Variants in SYNJ1 observed in about 807,000 individuals in gnomAD.
The protein encoded by SYNJ1 is polyphosphatidylinositol phosphatase SYNJ1.
Under a neutral mutation model 168.2 loss-of-function variants are expected in SYNJ1, and 78 were observed. The observed-to-expected ratio is 0.46, with a 90% CI of 0.39 to 0.56. The LOEUF is 0.56. SYNJ1 is among the 20% of genes least tolerant of loss of function. The probability of loss-of-function intolerance (pLI) is 0.00; values close to 1 mark genes in which losing one functional copy is unlikely to be tolerated. For synonymous variants in SYNJ1, 539 were observed against 548.6 expected (o/e 0.98, Z 0.24); for missense variants, 1,303 against 1,597.6 (o/e 0.82, Z 3.14).
At chr21:32,639,460 C>A (rs765417045) in intron 30 of SYNJ1, among the ~76,000 whole-genome samples, 17 of 152,146 alleles carry the variant, frequency 1.1e-4, no homozygotes, top group African/African-American at 4.1e-4. Flanking sequence ...GGTGTGATCA[C>A]GGCTTACCAC....
chr21:32,685,524 A>G (rs994709885), intron 9 of SYNJ1, among the ~76,000 whole-genome samples: 4 of 151,500 alleles, frequency 2.6e-5, no homozygotes, highest in African/African-American at 7.3e-5. Flanking sequence ...TCCTGAAACC[A>G]GAAGGCAGAG....
At chr21:32,711,534 G>T (rs530064498) in intron 2 of SYNJ1, among the ~76,000 whole-genome samples, 1 of 152,168 alleles carries the variant, frequency 6.6e-6, no homozygotes, top group East Asian at 1.9e-4. Flanking sequence ...GTTTCACCAT[G>T]TTGGCCAGGA....
intron 14 of SYNJ1, among the ~76,000 whole-genome samples, chr21:32,671,997 T>G (rs1364807493): frequency 7.3e-6 from 1 of 136,478 alleles, no homozygotes; most frequent in Non-Finnish European, 1.5e-5. Context: ...AGGTAGAGGT[T>G]GCAGTGAGCC....
Position 32,653,987 on chromosome 21 carries a change from A to G in SYNJ1, c.2796-621T>C, listed in dbSNP as rs1233861760. On this transcript the variant is annotated intron_variant, in intron 21 of 32. Transcript: ENST00000674351. ...CTTTTGAAATAAAAAAACTATCAAG[A>G]GGAAAAAAAAAATAAAAAGGACAGA... The G allele has an allele frequency of 3.3e-5, 5 of 152,226 alleles. No individual in the cohort carries two copies. The East Asian group carries it at 7.7e-4, about 23-fold the overall frequency. The allele number at this position is 152,226 out of a possible 1,614,324, so 9.4% of individuals were successfully genotyped here.
At chr21:32,650,695 A>C (rs966424312) in intron 22 of SYNJ1, among the ~76,000 whole-genome samples, 1 of 152,242 alleles carries the variant, frequency 6.6e-6, no homozygotes, top group African/African-American at 2.4e-5. Flanking sequence ...TTCACAGATT[A>C]AGTAATTGTT....
At chr21:32,713,966 G>T (rs916005750) in intron 2 of SYNJ1, among the ~76,000 whole-genome samples, 3 of 152,186 alleles carry the variant, frequency 2.0e-5, no homozygotes, top group Admixed American at 6.5e-5. Flanking sequence ...TTATTCTCTG[G>T]AAAGCTCTCT....
At chr21:32,675,411 T>A (rs897552109) in intron 13 of SYNJ1, among the ~76,000 whole-genome samples, 1 of 152,094 alleles carries the variant, frequency 6.6e-6, no homozygotes, top group Admixed American at 6.5e-5. Flanking sequence ...AAATAAAAAA[T>A]TTTAAAAAAG....
At chr21:32,632,425 A>G (rs1193964584) in intron 32 of SYNJ1, among the ~76,000 whole-genome samples, 1 of 147,978 alleles carries the variant, frequency 6.8e-6, no homozygotes, top group Non-Finnish European at 1.5e-5. Context: ...TTGTGCTGTC[A>G]CCCAGGCTGG....
intron 5 of SYNJ1, among the ~76,000 whole-genome samples, chr21:32,694,764 T>C (rs1436389545): frequency 2.0e-5 from 3 of 152,162 alleles, no homozygotes; most frequent in African/African-American, 7.2e-5. Flanking sequence ...AAAAAACAAG[T>C]TGTCTAACTC....
At chr21:32,658,585 C>G (rs1167202143) in intron 18 of SYNJ1, 1 of 152,338 alleles carries the variant, frequency 6.6e-6, no homozygotes, top group Non-Finnish European at 1.5e-5. Context: ...GCTGTTAACA[C>G]TTAAGCCATC....
At chr21:32,635,820 T>C (rs1016183080) in intron 31 of SYNJ1, among the ~76,000 whole-genome samples, 5 of 152,166 alleles carry the variant, frequency 3.3e-5, no homozygotes, top group Admixed American at 1.3e-4. Context: ...AAGAAACTTG[T>C]ACCTTACAAG....
intron 25 of SYNJ1, 123 bp from the exon 26 acceptor site, chr21:32,645,129 G>A (rs1420437488): frequency 1.1e-5 from 10 of 898,028 alleles, no homozygotes; most frequent in East Asian, 8.4e-5. Flanking sequence ...TATTATCTAC[G>A]TACTACAAAA....
intron 2 of SYNJ1, among the ~76,000 whole-genome samples, chr21:32,702,904 G>GT (rs1482228732): frequency 3.3e-5 from 5 of 152,198 alleles, no homozygotes; most frequent in Admixed American, 6.5e-5. Context: ...AGAAAATCAC[G>GT]TAAGTAGATA....
At chr21:32,684,882 G>A (rs539867210) in intron 9 of SYNJ1, among the ~76,000 whole-genome samples, 6 of 151,772 alleles carry the variant, frequency 4.0e-5, no homozygotes, top group Admixed American at 3.3e-4. Context: ...ATTGATACAT[G>A]TTAAGACTTA....
intron 21 of SYNJ1, among the ~76,000 whole-genome samples, chr21:32,655,519 T>C (rs2145842806): frequency 6.6e-6 from 1 of 152,336 alleles, no homozygotes; most frequent in South Asian, 2.1e-4. Flanking sequence ...TCTTTGATTT[T>C]CACTCTGTAG....
chr21:32,725,997 G>C (rs1343054826), intron 2 of SYNJ1, among the ~76,000 whole-genome samples: 3 of 152,090 alleles, frequency 2.0e-5, no homozygotes, highest in East Asian at 1.9e-4. Context: ...ACACGACGGA[G>C]CCGAACTACT....
chr21:32,630,749 T>C lies in SYNJ1; in HGVS notation c.*1056A>G, dbSNP rs891920222. On this transcript the variant is annotated 3_prime_UTR_variant, in exon 33 of 33. Coordinates refer to ENST00000674351, the MANE Select transcript of SYNJ1 (RefSeq NM_203446.3). ...CTGTTTTCTAAAGTATAAGTACTTTTTATGGCTACTACTGTCTCCTATTCA... is the reference window on the plus strand; with the variant it reads ...CTGTTTTCTAAAGTATAAGTACTTTCTATGGCTACTACTGTCTCCTATTCA... The C allele has an allele frequency of 2.8e-6, 1 of 356,212 alleles. No individual in the cohort carries two copies. The allele number at this position is 356,212 out of a possible 1,614,324, so 22.1% of individuals were successfully genotyped here. A position where few individuals can be genotyped will look rare whatever the true frequency, so the allele number is the denominator to read the frequency against.
rs555630567 is a variant in SYNJ1 at position 32,705,670 on chromosome 21, C to T, written c.125-3623G>A. ...TCCCGACATGCCTAGCAAACCATCA[C>T]CTTTATCAAGTAATCAAAGTGAACA... On this transcript the variant is annotated intron_variant, in intron 2 of 32. Transcript: ENST00000674351. 3.3e-5 allele frequency among the ~76,000 whole-genome samples: 5 copies of T among 152,122 alleles called. No homozygotes were observed. In the South Asian group the frequency reaches 1.0e-3, roughly 32 times the overall value.
chr21:32,674,641 T>C (rs2041334671), intron 13 of SYNJ1, among the ~76,000 whole-genome samples: 2 of 149,602 alleles, frequency 1.3e-5, no homozygotes, highest in Non-Finnish European at 1.5e-5. Flanking sequence ...TTTTTTTTGG[T>C]CTACAACCCA....
Sources: allele counts gnomAD v4.1 joint callset (sites outside exome capture counted in the v4.1 genomes callset), GRCh38; gene constraint gnomAD v4.1.1; transcripts MANE v1.5; gene names NCBI Gene and HGNC (gene_info 2026-07-23, HGNC 2026-07-21).